Variants in DNAAF11 observed in about 807,000 individuals in gnomAD.
DNAAF11 encodes dynein axonemal assembly factor 11.
DNAAF11 carries 45 observed loss-of-function variants against 60.8 expected under a neutral mutation model. The ratio of observed to expected loss-of-function variants is 0.74; its 90% confidence interval spans 0.58 to 0.95. The LOEUF is 0.95. DNAAF11 is among the 40% of genes least tolerant of loss of function. The probability of loss-of-function intolerance (pLI) is 0.00; values close to 1 mark genes in which losing one functional copy is unlikely to be tolerated. For missense variants in DNAAF11, 546 were observed against 546.2 expected, an observed-to-expected ratio of 1.00 and a Z score of 0.00; for synonymous variants, 191 against 183.5, an observed-to-expected ratio of 1.04 and a Z score of -0.33.
At chr8:132,584,106 T>A (rs902820155) in intron 10 of DNAAF11, among the ~76,000 whole-genome samples, 2 of 152,074 alleles carry the variant, frequency 1.3e-5, no homozygotes, top group African/African-American at 4.8e-5. Context: ...GGGATACAGA[T>A]GTGATGGAAA....
chr8:132,679,135 C>T (rs1014426416), upstream of DNAAF11, among the ~76,000 whole-genome samples: 9 of 152,204 alleles, frequency 5.9e-5, no homozygotes, highest in Admixed American at 2.6e-4. Context: ...TTTACTAAAG[C>T]ATAGTGAATC....
At chr8:132,633,401 GACAA>G (rs1241385221) in intron 4 of DNAAF11, among the ~76,000 whole-genome samples, 3 of 152,010 alleles carry the variant, frequency 2.0e-5, no homozygotes, top group East Asian at 1.9e-4. Context: ...TTAACAACAA[GACAA>G]ACAGATAGGC....
chr8:132,675,571 T>C, upstream of DNAAF11: 1 of 1,415,486 alleles, frequency 7.1e-7, no homozygotes, highest in African/African-American at 1.5e-5. Flanking sequence ...CCCCTGCTCC[T>C]CAGCGCGTCC....
upstream of DNAAF11, among the ~76,000 whole-genome samples, chr8:132,677,918 C>G (rs1305873881): frequency 1.3e-5 from 2 of 152,160 alleles, no homozygotes; most frequent in African/African-American, 4.8e-5. Flanking sequence ...ATAAGGGCAT[C>G]TAATCCTATT....
At chr8:132,606,307 C>T (rs575084420) in intron 10 of DNAAF11, among the ~76,000 whole-genome samples, 183 of 152,180 alleles carry the variant, frequency 1.2e-3, no homozygotes, top group African/African-American at 4.2e-3. Flanking sequence ...TGGGCTCCCT[C>T]TACTTATATT....
At chr8:132,634,192 A>G (rs1257768276) in intron 4 of DNAAF11, among the ~76,000 whole-genome samples, 1 of 152,248 alleles carries the variant, frequency 6.6e-6, no homozygotes, top group Non-Finnish European at 1.5e-5. Context: ...TGGTTGCTAT[A>G]GATGGGCTGC....
At chr8:132,639,289 A>G (rs1189144596) in intron 3 of DNAAF11, among the ~76,000 whole-genome samples, 3 of 152,134 alleles carry the variant, frequency 2.0e-5, no homozygotes, top group South Asian at 2.1e-4. Flanking sequence ...ATCTCTCCCT[A>G]TGACTGCCTC....
chr8:132,572,201 G>T lies in DNAAF11; in HGVS notation c.*105C>A. On this transcript the variant is annotated 3_prime_UTR_variant, in exon 12 of 12. Coordinates refer to ENST00000620350, the MANE Select transcript of DNAAF11 (RefSeq NM_012472.6). ...GTTAAAACACTGGAGCAGCGATATTGACAAATAACTCTGTGTTTATCCCAG... is the reference window on the plus strand; with the variant it reads ...GTTAAAACACTGGAGCAGCGATATTTACAAATAACTCTGTGTTTATCCCAG... 1 of 904,212 alleles carries T rather than the reference G, an allele frequency of 1.1e-6. No homozygotes were observed. The highest frequency in any genetic ancestry group is 2.1e-5 in the South Asian group (1 of 47,674). 56.0% of individuals were successfully genotyped at this position (904,212 alleles called of 1,614,324 possible).
intron 11 of DNAAF11, among the ~76,000 whole-genome samples, chr8:132,579,353 G>T (rs1815082317): frequency 6.6e-6 from 1 of 152,170 alleles, no homozygotes. Context: ...GAGGACAACA[G>T]AAACCGCAGG....
intron 11 of DNAAF11, among the ~76,000 whole-genome samples, chr8:132,582,876 C>A (rs1804742837): frequency 6.6e-6 from 1 of 152,064 alleles, no homozygotes; most frequent in African/African-American, 2.4e-5. Context: ...TCATAAGAAG[C>A]AGAAGGACAG....
At chr8:132,661,030 C>CACAT in intron 2 of DNAAF11, among the ~76,000 whole-genome samples, 1 of 152,248 alleles carries the variant, frequency 6.6e-6, no homozygotes, top group African/African-American at 2.4e-5. Flanking sequence ...CAATGCCTTG[C>CACAT]ACATATATGG....
rs779471179 is a variant in DNAAF11 at position 132,583,734 on chromosome 8, T to C, written c.1186A>G (p.Lys396Glu). The part of the protein sequence containing the change: ...TGGQRAFKSM[K>E]TTSDRSREQT... ...TCTCTGCTCCTGTCCGAGGTAGTTT[T>C]CATAGATTTGAATGCTCGCTGACCA... Residue 396 changes from lysine (K) to glutamate (E), a missense_variant, in exon 11 of 12, where the codon AAA becomes GAA. Coordinates refer to ENST00000620350, the MANE Select transcript of DNAAF11 (RefSeq NM_012472.6). 2.5e-6 allele frequency: 4 copies of C among 1,613,968 alleles called. No individual in the cohort carries two copies. Among genetic ancestry groups the C allele is most frequent in the African/African-American group, 1.3e-5 (1 of 75,034 alleles).
the DNAAF11 span, among the ~76,000 whole-genome samples, chr8:132,698,921 A>T: frequency 7.0e-6 from 1 of 143,170 alleles, no homozygotes; most frequent in South Asian, 2.2e-4. Flanking sequence ...TTCTACTTAA[A>T]ATATATATAT....
chr8:132,672,885 C>T (rs1261316008), intron 1 of DNAAF11, among the ~76,000 whole-genome samples: 2 of 152,164 alleles, frequency 1.3e-5, no homozygotes, highest in Non-Finnish European at 2.9e-5. Context: ...TGTTCCCCTC[C>T]TCATCTCTAA....
At chr8:132,664,557 G>T (rs1258880927) in intron 1 of DNAAF11, among the ~76,000 whole-genome samples, 1 of 152,142 alleles carries the variant, frequency 6.6e-6, no homozygotes, top group Non-Finnish European at 1.5e-5. Context: ...TGCAGCCCAG[G>T]ATCAAGGGAT....
At chr8:132,697,664 G>A in the DNAAF11 span, among the ~76,000 whole-genome samples, 3 of 152,054 alleles carry the variant, frequency 2.0e-5, no homozygotes, top group South Asian at 6.3e-4. Flanking sequence ...GAAACTGATG[G>A]GCCAGAGTAT....
At chr8:132,576,014 T>A (rs1038717842) in intron 11 of DNAAF11, among the ~76,000 whole-genome samples, 2 of 152,336 alleles carry the variant, frequency 1.3e-5, no homozygotes, top group South Asian at 4.1e-4. Flanking sequence ...CCTCGCCCAC[T>A]ACATTTTTCT....
chr8:132,628,949 A>G (rs1404304657), intron 5 of DNAAF11, among the ~76,000 whole-genome samples: 1 of 152,244 alleles, frequency 6.6e-6, no homozygotes, highest in African/African-American at 2.4e-5. Flanking sequence ...AAATACAATC[A>G]GACAAGGATA....
intron 3 of DNAAF11, among the ~76,000 whole-genome samples, chr8:132,640,875 A>G (rs1821787651): frequency 6.6e-6 from 1 of 152,202 alleles, no homozygotes; most frequent in Non-Finnish European, 1.5e-5. Context: ...ACTAAGCAAG[A>G]AAGTACTCAA....
Sources: allele counts gnomAD v4.1 joint callset (sites outside exome capture counted in the v4.1 genomes callset), GRCh38; gene constraint gnomAD v4.1.1; transcripts MANE v1.5; gene names NCBI Gene and HGNC (gene_info 2026-07-23, HGNC 2026-07-21).